SHISAL2A: variants seen among roughly 807,000 people sequenced by gnomAD.
SHISAL2A encodes shisa like 2A.
SHISAL2A carries 18 observed loss-of-function variants against 11.5 expected under a neutral mutation model. The observed-to-expected ratio is 1.57, with a 90% CI of 1.08 to 2.33. SHISAL2A has a LOEUF of 2.33. Among genes scored for constraint, SHISAL2A ranks in the 30% most tolerant of loss-of-function variants. The probability of loss-of-function intolerance (pLI) is 0.00; values close to 1 mark genes in which losing one functional copy is unlikely to be tolerated. For synonymous variants in SHISAL2A, 94 were observed against 99.6 expected (o/e 0.94, Z 0.34); for missense variants, 261 against 250.9 (o/e 1.04, Z -0.27).
In SHISAL2A at chr1:52,633,500, G is replaced by C; in HGVS notation, c.7G>C (p.Gly3Arg). The C allele has an allele frequency of 6.6e-7, 1 of 1,514,142 alleles. No individual in the cohort carries two copies. Among genetic ancestry groups the C allele is most frequent in the Non-Finnish European group, 8.8e-7 (1 of 1,137,594 alleles). 93.8% of individuals were successfully genotyped at this position (1,514,142 alleles called of 1,614,324 possible). The part of the protein sequence containing the change: MS[G>R]ACTSYVSAEQ... Reference sequence around the variant, plus strand: ...GGGCTGGGCGCGGGGCGCGATGAGCGGCGCCTGCACGAGCTACGTGAGCGC... The same window carrying C: ...GGGCTGGGCGCGGGGCGCGATGAGCCGCGCCTGCACGAGCTACGTGAGCGC... Residue 3 changes from glycine (G) to arginine (R), a missense_variant, in exon 1 of 3, where the codon GGC (glycine) becomes CGC (arginine). Transcript: ENST00000517870. This position sits in a 1 kb window ranked among gnomAD's most constrained non-coding sequence, Gnocchi z 6.4.
intron 2 of SHISAL2A, among the ~76,000 whole-genome samples, chr1:52,655,446 T>TA (rs1197100964): frequency 3.7e-5 from 4 of 107,332 alleles, no homozygotes; most frequent in Admixed American, 1.2e-4. Flanking sequence ...TGAGACCCTG[T>TA]ATCTACAAAA....
chr1:52,641,259 A>G (rs982735411), intron 1 of SHISAL2A, among the ~76,000 whole-genome samples: 4 of 152,142 alleles, frequency 2.6e-5, no homozygotes, highest in South Asian at 4.1e-4. Flanking sequence ...GGGCACACTG[A>G]TTTATAGCTG....
downstream of SHISAL2A, among the ~76,000 whole-genome samples, chr1:52,659,781 C>G (rs1691869203): frequency 6.6e-6 from 1 of 152,222 alleles, no homozygotes. Context: ...AATTCCTTCT[C>G]TGTCCTTGGT....
intron 1 of SHISAL2A, among the ~76,000 whole-genome samples, chr1:52,637,282 G>A (rs1445981234): frequency 6.6e-6 from 1 of 152,190 alleles, no homozygotes; most frequent in Non-Finnish European, 1.5e-5. Flanking sequence ...GATGTCTAGG[G>A]CATCAACGTG....
At chr1:52,641,477 G>A (rs566990472) in intron 1 of SHISAL2A, among the ~76,000 whole-genome samples, 63 of 152,270 alleles carry the variant, frequency 4.1e-4, no homozygotes, top group African/African-American at 1.5e-3. Context: ...TGTGTTGAGT[G>A]TTGTGGGAGG....
chr1:52,659,029 GGTGGTGGTGGTGGT>G (rs1384769435), downstream of SHISAL2A, among the ~76,000 whole-genome samples: 2 of 131,950 alleles, frequency 1.5e-5, no homozygotes, highest in African/African-American at 6.2e-5. Flanking sequence ...TGTTGGTGGT[GGTGGTGGTGGTGGT>G]GTGTGTGTGT....
chr1:52,644,611 C>T lies in SHISAL2A; in HGVS notation c.322+1609C>T, dbSNP rs192155397. 6.6e-5 allele frequency among the ~76,000 whole-genome samples: 10 copies of T among 152,280 alleles called. No individual in the cohort carries two copies. The East Asian group carries it at 1.7e-3, about 26-fold the overall frequency. On this transcript the variant is annotated intron_variant, in intron 2 of 2. Coordinates refer to ENST00000517870, the MANE Select transcript of SHISAL2A (RefSeq NM_001042693.3). Reference sequence around the variant, plus strand: ...TGGTGGCAGGCACCTGTAATCCCAGCTACTCGGGAGGCTGAGGCAGGAGAA... The same window carrying T: ...TGGTGGCAGGCACCTGTAATCCCAGTTACTCGGGAGGCTGAGGCAGGAGAA...
downstream of SHISAL2A, chr1:52,657,164 C>T (rs1691809257): frequency 1.2e-5 from 15 of 1,298,304 alleles, no homozygotes; most frequent in South Asian, 1.9e-4. Flanking sequence ...ATACCCAGCC[C>T]TGCTGTGGAC....
chr1:52,658,267 T>C (rs1304711079), downstream of SHISAL2A, among the ~76,000 whole-genome samples: 1 of 152,192 alleles, frequency 6.6e-6, no homozygotes, highest in East Asian at 1.9e-4. Context: ...CTTGAACTCC[T>C]GACCTCAAGT....
At chr1:52,646,824 G>C (rs1334665590) in intron 2 of SHISAL2A, among the ~76,000 whole-genome samples, 1 of 151,684 alleles carries the variant, frequency 6.6e-6, no homozygotes. Flanking sequence ...GTTTTGTTTT[G>C]GTTTATTTTT....
chr1:52,668,102 G>A (rs1486714712), intron 5 of SHISAL2A, among the ~76,000 whole-genome samples: 3 of 152,152 alleles, frequency 2.0e-5, no homozygotes, highest in African/African-American at 4.8e-5. Context: ...GGCTTTGCAC[G>A]TCCAGAAAAT....
downstream of SHISAL2A, among the ~76,000 whole-genome samples, chr1:52,659,192 G>A (rs137973973): frequency 6.6e-6 from 1 of 152,146 alleles, no homozygotes; most frequent in African/African-American, 2.4e-5. Context: ...AGCCTCCCAA[G>A]CAACTGTGAC....
At chr1:52,641,417 T>G (rs1235356617) in intron 1 of SHISAL2A, among the ~76,000 whole-genome samples, 1 of 152,108 alleles carries the variant, frequency 6.6e-6, no homozygotes, top group East Asian at 1.9e-4. Context: ...TGCTGGAGAA[T>G]TGCTTGACGT....
At chr1:52,638,859 G>A (rs1428684745) in intron 1 of SHISAL2A, among the ~76,000 whole-genome samples, 2 of 152,212 alleles carry the variant, frequency 1.3e-5, no homozygotes, top group Non-Finnish European at 2.9e-5. Flanking sequence ...TGTGTCCACA[G>A]AGCCTGTTCT....
intron 2 of SHISAL2A, among the ~76,000 whole-genome samples, chr1:52,644,933 C>T (rs577326711): frequency 1.4e-4 from 21 of 150,700 alleles, no homozygotes; most frequent in Non-Finnish European, 2.2e-4. Flanking sequence ...AGGAGAATGG[C>T]GTGAACCCGG....
intron 2 of SHISAL2A, among the ~76,000 whole-genome samples, chr1:52,647,076 T>C (rs1278375357): frequency 6.6e-6 from 1 of 152,092 alleles, no homozygotes; most frequent in Admixed American, 6.5e-5. Context: ...TTAGGTGATA[T>C]GCCTGCCTTG....
At chr1:52,658,120 A>ACCT (rs1192796115), downstream of SHISAL2A, among the ~76,000 whole-genome samples, 1 of 151,896 alleles carries the variant, frequency 6.6e-6, no homozygotes, top group East Asian at 1.9e-4. Context: ...GCTCAGTGCA[A>ACCT]CCTCCGCCTT....
chr1:52,637,421 A>G (rs978599914), intron 1 of SHISAL2A, among the ~76,000 whole-genome samples: 2 of 152,154 alleles, frequency 1.3e-5, no homozygotes, highest in Non-Finnish European at 2.9e-5. Context: ...AAACTTCAAA[A>G]TCTCCAGGTA....
rs1367558076 is a variant in SHISAL2A at position 52,633,751 on chromosome 1, C to G, written c.182+76C>G. ...CCTTCACCCCAGCCTCAGCCCCCAC[C>G]CGAGTGTCCACCTGAACATCAGCAG... On this transcript the variant is annotated intron_variant, in intron 1 of 2. Transcript: ENST00000517870. The surrounding 1 kb of genome is among the most constrained non-coding windows in gnomAD (Gnocchi z 6.4). The G allele has an allele frequency of 7.2e-6, 9 of 1,246,530 alleles. No individual in the cohort carries two copies. The highest frequency in any genetic ancestry group is 1.6e-5 in the African/African-American group (1 of 64,356). 77.2% of individuals were successfully genotyped at this position (1,246,530 alleles called of 1,614,324 possible).
Sources: allele counts gnomAD v4.1 joint callset (sites outside exome capture counted in the v4.1 genomes callset), GRCh38; gene constraint gnomAD v4.1.1; non-coding constraint Gnocchi (gnomAD v3.1); transcripts MANE v1.5; gene names NCBI Gene and HGNC (gene_info 2026-07-23, HGNC 2026-07-21).